CEP170: variants seen among roughly 807,000 people sequenced by gnomAD.
CEP170 encodes centrosomal protein of 170 kDa.
A neutral mutation model predicts 151.9 loss-of-function variants in CEP170; 21 were observed. The ratio of observed to expected loss-of-function variants is 0.14; its 90% CI spans 0.10 to 0.20. CEP170 has a LOEUF of 0.20. Among genes scored for constraint, CEP170 ranks in the 10% least tolerant of loss-of-function variants. The probability of loss-of-function intolerance (pLI) is 1.00; values close to 1 mark genes in which losing one functional copy is unlikely to be tolerated. For missense variants in CEP170, 964 were observed against 1,892.9 expected (o/e 0.51, Z 9.11); for synonymous variants, 356 against 648.8 (o/e 0.55, Z 6.86).
intron 2 of CEP170, among the ~76,000 whole-genome samples, chr1:243,222,215 T>G (rs961034669): frequency 2.6e-5 from 4 of 152,250 alleles, no homozygotes; most frequent in African/African-American, 9.6e-5. Context: ...AAACAAAAAA[T>G]GAGCATAAAC....
At chr1:243,136,703 C>G (rs369195912) in intron 16 of CEP170, among the ~76,000 whole-genome samples, 2 of 152,194 alleles carry the variant, frequency 1.3e-5, no homozygotes, top group African/African-American at 4.8e-5. Flanking sequence ...GAAAAATTTA[C>G]GCAAAATAGT....
At chr1:243,179,269 C>T (rs1185030021) in intron 10 of CEP170, among the ~76,000 whole-genome samples, 2 of 152,048 alleles carry the variant, frequency 1.3e-5, no homozygotes, top group East Asian at 1.9e-4. Flanking sequence ...TGGTTCATTC[C>T]CTGGTCATGT....
intron 1 of CEP170, among the ~76,000 whole-genome samples, chr1:243,225,553 G>A (rs1334492791): frequency 6.6e-6 from 1 of 152,180 alleles, no homozygotes; most frequent in Non-Finnish European, 1.5e-5. Flanking sequence ...AAGGCAGTAA[G>A]TGGGTGCTCA....
chr1:243,126,469 C>A lies in CEP170; in HGVS notation c.4735G>T (p.Asp1579Tyr), dbSNP rs757240507. 5 of 1,609,106 alleles carry A rather than the reference C, an allele frequency of 3.1e-6. No individual in the cohort carries two copies. The highest frequency in any genetic ancestry group is 1.7e-6 in the Non-Finnish European group (2 of 1,177,386). ...NRFNPDGEEE[D>Y]VTVQE The stretch of plus-strand genomic sequence containing the variant: ...GAAAGTCATTCTTGTACTGTAACAT[C>A]TTCCTCTTCCCCATCGGGGTTGAAT... Residue 1579 changes from aspartate to tyrosine, a missense_variant, in exon 20 of 20, where the codon GAT becomes TAT. Coordinates refer to ENST00000366542, the MANE Select transcript of CEP170 (RefSeq NM_014812.3).
intron 3 of CEP170, among the ~76,000 whole-genome samples, chr1:243,219,037 C>T (rs2062562972): frequency 6.6e-6 from 1 of 152,146 alleles, no homozygotes; most frequent in Non-Finnish European, 1.5e-5. Flanking sequence ...TCTCTTATGA[C>T]TAAAATGCAT....
chr1:243,202,141 T>A lies in CEP170; in HGVS notation c.275-1306A>T, dbSNP rs186934241. Among the ~76,000 whole-genome samples the A allele has an allele frequency of 1.2e-3, 188 of 152,264 alleles. 2 individuals are homozygous for A. The highest frequency in any genetic ancestry group is 4.4e-3 in the African/African-American group (183 of 41,572). ...CCATAAAAAAGAATGAAATAGTGTC[T>A]TTTGCAGCAACTTGTATGGAACTGA... On this transcript the variant is annotated intron_variant, in intron 4 of 19. Coordinates refer to ENST00000366542, the MANE Select transcript of CEP170 (RefSeq NM_014812.3).
At chr1:243,229,396 G>A (rs375627657) in intron 1 of CEP170, among the ~76,000 whole-genome samples, 4 of 151,862 alleles carry the variant, frequency 2.6e-5, no homozygotes, top group African/African-American at 4.8e-5. Context: ...ATTACGTTTC[G>A]GCATTTCAGG....
intron 1 of CEP170, among the ~76,000 whole-genome samples, chr1:243,243,411 G>T (rs1353328651): frequency 6.6e-6 from 1 of 152,136 alleles, no homozygotes; most frequent in East Asian, 1.9e-4. Context: ...CTAAAGGATA[G>T]AACCTCTAGA....
At chr1:243,246,573 T>A (rs1296991835) in intron 1 of CEP170, among the ~76,000 whole-genome samples, 2 of 152,152 alleles carry the variant, frequency 1.3e-5, no homozygotes, top group Non-Finnish European at 2.9e-5. Flanking sequence ...TTTCATAAAT[T>A]GTGTGTAAGT....
At chr1:243,207,213 A>G (rs867829204) in intron 4 of CEP170, among the ~76,000 whole-genome samples, 1 of 152,238 alleles carries the variant, frequency 6.6e-6, no homozygotes, top group Non-Finnish European at 1.5e-5. Flanking sequence ...AATTAAAAAT[A>G]TAAGTAGACA....
intron 17 of CEP170, among the ~76,000 whole-genome samples, chr1:243,131,055 C>G (rs1329310330): frequency 1.3e-5 from 2 of 152,016 alleles, no homozygotes; most frequent in African/African-American, 4.8e-5. Flanking sequence ...GTGAATTTTT[C>G]CAGAGGATGG....
chr1:243,137,144 A>G (rs2055186035), intron 16 of CEP170, among the ~76,000 whole-genome samples: 2 of 152,218 alleles, frequency 1.3e-5, no homozygotes, highest in African/African-American at 4.8e-5. Flanking sequence ...TGTTGTAACA[A>G]AACTTTTACA....
intron 1 of CEP170, chr1:243,253,213 A>G (rs553114219): frequency 6.6e-6 from 1 of 152,346 alleles, no homozygotes; most frequent in African/African-American, 2.4e-5. Context: ...ATGAAAGTAA[A>G]GGTCCATTTT....
chr1:243,165,732 T>A lies in CEP170; in HGVS notation c.2228A>T (p.Gln743Leu). The A allele has an allele frequency of 1.2e-6, 2 of 1,614,072 alleles. No individual in the cohort carries two copies. The highest frequency in any genetic ancestry group is 1.7e-6 in the Non-Finnish European group (2 of 1,179,892). ...ETDKETSLVKQTLAKLQQQEQ... is the reference protein window; with the variant it reads ...ETDKETSLVKLTLAKLQQQEQ... ...TTGTTGTTGAAGTTTTGCTAATGTT[T>A]GCTTTACCAAAGAAGTTTCCTTATC... Residue 743 changes from glutamine (Q) to leucine (L), a missense_variant, in exon 13 of 20, where the codon CAA (glutamine) becomes CTA (leucine). Physicochemically the swap from Gln to Leu is moderately radical, Grantham distance 113. Transcript: ENST00000366542.
At position 243,156,235 on chromosome 1, in the gene CEP170, T is replaced by C. The variant is rs1376832743; in HGVS notation, c.3897A>G (p.Arg1299=). Residue 1299 remains arginine, a synonymous_variant, in exon 14 of 20, where the codon CGA becomes CGG. Coordinates refer to ENST00000366542, the MANE Select transcript of CEP170 (RefSeq NM_014812.3). ...EDYIRDWTAH[R]EEIARISQDL... is the part of the protein sequence containing the mutation. ...TGAAAACCAACCTGGCTATCTCTTC[T>C]CGATGAGCAGTCCAATCTCGGATGT... 4 of 1,586,138 alleles carry C rather than the reference T, an allele frequency of 2.5e-6. No homozygotes were observed. In the South Asian group the frequency reaches 4.6e-5, roughly 18 times the overall value.
chr1:243,162,882 GTAGT>G (rs1365777542), intron 13 of CEP170, among the ~76,000 whole-genome samples: 4 of 152,194 alleles, frequency 2.6e-5, no homozygotes, highest in Admixed American at 6.6e-5. Context: ...CCAAAATGTA[GTAGT>G]TAGTTTTAAA....
intron 1 of CEP170, among the ~76,000 whole-genome samples, chr1:243,234,966 C>T (rs1423628064): frequency 6.6e-6 from 1 of 152,010 alleles, no homozygotes; most frequent in Non-Finnish European, 1.5e-5. Context: ...GTTTTAGCTA[C>T]AAAAATTCTT....
intron 3 of CEP170, among the ~76,000 whole-genome samples, chr1:243,221,129 A>C (rs1236278791): frequency 1.3e-5 from 2 of 151,948 alleles, no homozygotes; most frequent in East Asian, 3.9e-4. Context: ...GGTTCACGCC[A>C]TTCTCCTGCC....
Position 243,225,244 on chromosome 1 carries a change from C to T in CEP170, c.37G>A (p.Gly13Ser), listed in dbSNP as rs1298611339. 5 of 1,596,780 alleles carry T rather than the reference C, an allele frequency of 3.1e-6. No homozygotes were observed. Among genetic ancestry groups the T allele is most frequent in the Non-Finnish European group, 4.3e-6 (5 of 1,172,422 alleles). The change falls in exon 2 of 20, where the codon GGC (glycine) becomes AGC (serine). Residue 13 changes from glycine (G) to serine (S), a missense_variant. Coordinates refer to ENST00000366542, the MANE Select transcript of CEP170 (RefSeq NM_014812.3). ...TCTCGTGGCAGCCTGTGGCGAGTGC[C>T]TCCACTGCTCACCAAAAACCAGGAT... ...LTSWFLVSSGGTRHRLPREMI... is the reference protein window; with the variant it reads ...LTSWFLVSSGSTRHRLPREMI...
Sources: gnomAD v4.1 joint callset for allele counts (sites outside exome capture counted in the v4.1 genomes callset) on GRCh38, gnomAD v4.1.1 for gene constraint, MANE v1.5 for transcripts, NCBI Gene and HGNC (gene_info 2026-07-23, HGNC 2026-07-21) for gene names.